Variants in PLA2G15 observed in about 807,000 individuals in gnomAD.
The protein encoded by PLA2G15 is lysosomal phospholipase A and acyltransferase.
In PLA2G15, 20 loss-of-function variants were observed where a neutral mutation model predicts 40.9. That is an observed-to-expected ratio of 0.49 (90% confidence interval 0.34 to 0.71). The LOEUF (loss-of-function observed/expected upper bound fraction) is 0.71. PLA2G15 is among the 30% of genes least tolerant of loss of function. The probability of loss-of-function intolerance (pLI) is 0.01; values close to 1 mark genes in which losing one functional copy is unlikely to be tolerated. For synonymous variants in PLA2G15, 223 were observed against 228.2 expected, an observed-to-expected ratio of 0.98 and a Z score of 0.21; for missense variants, 471 against 541.9, an observed-to-expected ratio of 0.87 and a Z score of 1.30.
intron 2 of PLA2G15, among the ~76,000 whole-genome samples, chr16:68,252,275 T>C (rs1199970319): frequency 6.6e-6 from 1 of 152,226 alleles, no homozygotes; most frequent in African/African-American, 2.4e-5. Context: ...GGACCTGTTA[T>C]CTGGGTCAGT....
intron 2 of PLA2G15, among the ~76,000 whole-genome samples, chr16:68,250,616 T>C (rs1715807660): frequency 6.6e-6 from 1 of 152,140 alleles, no homozygotes; most frequent in Admixed American, 6.5e-5. Flanking sequence ...ATGGTGGCTC[T>C]GCTATAATCC....
chr16:68,258,066 T>G (rs964698809), intron 5 of PLA2G15, among the ~76,000 whole-genome samples: 3 of 152,138 alleles, frequency 2.0e-5, no homozygotes, highest in Admixed American at 6.5e-5. Flanking sequence ...TGGGTGACCA[T>G]GGATCCTGAA....
At chr16:68,252,675 GA>G (rs11368218) in intron 2 of PLA2G15, 86,656 of 451,586 alleles carry the variant, frequency 0.19, 9,149 homozygotes, top group African/African-American at 0.29. Flanking sequence ...CACAGTTCTA[GA>G]AAACTAATAG....
chr16:68,246,230 A>G (rs1283683014), intron 1 of PLA2G15, among the ~76,000 whole-genome samples: 1 of 148,886 alleles, frequency 6.7e-6, no homozygotes, highest in Non-Finnish European at 1.5e-5. Context: ...AGGCTCGGTG[A>G]CCTCCCCTGC....
intron 1 of PLA2G15, among the ~76,000 whole-genome samples, chr16:68,245,790 T>C (rs2042304246): frequency 6.6e-6 from 1 of 152,206 alleles, no homozygotes; most frequent in Non-Finnish European, 1.5e-5. Flanking sequence ...AGTTACCATC[T>C]GGTTATTCAT....
intron 2 of PLA2G15, among the ~76,000 whole-genome samples, chr16:68,250,536 G>A (rs1243615291): frequency 1.3e-5 from 2 of 152,084 alleles, no homozygotes; most frequent in African/African-American, 4.8e-5. Context: ...CTCCCAAAGT[G>A]CTGGGATTAC....
intron 1 of PLA2G15, 79 bp downstream of exon 1, chr16:68,245,632 T>G (rs1023475151): frequency 6.8e-7 from 1 of 1,467,182 alleles, no homozygotes; most frequent in Non-Finnish European, 9.2e-7. Context: ...GGTCTGCTTC[T>G]GTTCCAGTCA....
intron 1 of PLA2G15, among the ~76,000 whole-genome samples, chr16:68,246,242 C>T (rs563172559): frequency 6.6e-6 from 1 of 150,694 alleles, no homozygotes; most frequent in Non-Finnish European, 1.5e-5. Flanking sequence ...CTCCCCTGCT[C>T]ACCCCGCTCC....
chr16:68,256,818 C>G (rs557123744), intron 5 of PLA2G15, among the ~76,000 whole-genome samples: 23 of 151,506 alleles, frequency 1.5e-4, no homozygotes, highest in Admixed American at 7.2e-4. Flanking sequence ...CCATCCCTCC[C>G]TCTTACCCCA....
chr16:68,254,004 T>C (rs1002124779), intron 2 of PLA2G15, among the ~76,000 whole-genome samples: 7 of 152,124 alleles, frequency 4.6e-5, no homozygotes, highest in Admixed American at 3.9e-4. Flanking sequence ...CTGGTTCTGT[T>C]GTGTACTGCA....
intron 5 of PLA2G15, 155 bp downstream of exon 5, chr16:68,256,145 A>C: frequency 1.7e-6 from 1 of 573,568 alleles, no homozygotes. Context: ...AAGAAGAAAG[A>C]GGCTGACAAA....
rs1485483991 is a variant in PLA2G15, at chr16:68,255,304, G to A, written c.426G>A (p.Val142=). ...CAGGTTCCTATTTCCACACCATGGT[G>A]GAGAGCCTTGTGGGCTGGGGCTACA... The part of the protein sequence containing the change: ...SSVGSYFHTM[V]ESLVGWGYTR... The change falls in exon 4 of 6, where the codon GTG becomes GTA. Residue 142 remains valine (V), a synonymous_variant. Transcript: ENST00000219345. The surrounding 1 kb of genome is among the most constrained non-coding windows in gnomAD (Gnocchi z 5.9). The A allele has an allele frequency of 6.2e-7, 1 of 1,613,654 alleles. No individual in the cohort carries two copies. Among genetic ancestry groups the A allele is most frequent in the Non-Finnish European group, 8.5e-7 (1 of 1,179,734 alleles).
At chr16:68,254,848 T>C in intron 2 of PLA2G15, 71 bp from the exon 3 acceptor site, 4 of 913,650 alleles carry the variant, frequency 4.4e-6, no homozygotes, top group Non-Finnish European at 7.2e-6. Flanking sequence ...ACTCAGGACA[T>C]GATGCACTGT....
chr16:68,255,836 C>T lies in PLA2G15; in HGVS notation c.573C>T (p.Pro191=), dbSNP rs76404867. The T allele has an allele frequency of 0.019, 31,224 of 1,614,144 alleles. 353 individuals are homozygous for T. The highest frequency in any genetic ancestry group is 0.023 in the Non-Finnish European group (26,980 of 1,179,970). ...AGATGTACCAGCTGTATGGGGGCCC[C>T]GTGGTGCTGGTTGCCCACAGTATGG... ...IEEMYQLYGG[P]VVLVAHSMGN... is the part of the protein sequence containing the mutation. Residue 191 remains proline (P), a synonymous_variant, in exon 5 of 6, where the codon CCC becomes CCT. Transcript: ENST00000219345. The surrounding 1 kb of genome is among the most constrained non-coding windows in gnomAD (Gnocchi z 5.9).
chr16:68,251,071 C>A (rs1473140960), intron 2 of PLA2G15, among the ~76,000 whole-genome samples: 2 of 152,164 alleles, frequency 1.3e-5, no homozygotes, highest in Non-Finnish European at 2.9e-5. Flanking sequence ...CTTACAGCAA[C>A]CCCGTTTTGA....
chr16:68,258,025 C>A (rs981401212), intron 5 of PLA2G15, among the ~76,000 whole-genome samples: 2 of 152,198 alleles, frequency 1.3e-5, no homozygotes, highest in Non-Finnish European at 2.9e-5. Flanking sequence ...GTCTGAGAGG[C>A]CTCCCTGCTT....
chr16:68,245,460 C>A lies in PLA2G15; in HGVS notation c.34C>A (p.Leu12Met), dbSNP rs752754494. ...CCACCTCCGCCCCTACCGTGTGGGGCTGCTCCCGGATGGCCTCCTGTTCCT... is the reference window on the plus strand; with the variant it reads ...CCACCTCCGCCCCTACCGTGTGGGGATGCTCCCGGATGGCCTCCTGTTCCT... ...GLHLRPYRVGLLPDGLLFLLL... is the reference protein window; with the variant it reads ...GLHLRPYRVGMLPDGLLFLLL... Residue 12 changes from leucine (L) to methionine (M), a missense_variant, in exon 1 of 6, where the codon CTG (leucine) becomes ATG (methionine). Coordinates refer to ENST00000219345, the MANE Select transcript of PLA2G15 (RefSeq NM_012320.4). 1 of 1,606,286 alleles carries A rather than the reference C, an allele frequency of 6.2e-7. No homozygotes were observed. Among genetic ancestry groups the A allele is most frequent in the South Asian group, 1.1e-5 (1 of 91,046 alleles).
rs1279001050 is a variant in PLA2G15 at position 68,255,684 on chromosome 16, C to T, written c.503-82C>T. 8.4e-7 allele frequency: 1 copy of T among 1,192,558 alleles called. No individual in the cohort carries two copies. 73.9% of individuals were successfully genotyped at this position (1,192,558 alleles called of 1,614,324 possible). A position where few individuals can be genotyped will look rare whatever the true frequency, so the allele number is the denominator to read the frequency against. ...GAGCACCCTCCCCTCCCCCTCTCGT[C>T]TTGTGTCTGGCCTGAGAAAAGCTCA... On this transcript the variant is annotated intron_variant, in intron 4 of 5. Coordinates refer to ENST00000219345, the MANE Select transcript of PLA2G15 (RefSeq NM_012320.4). This position sits in a 1 kb window ranked among gnomAD's most constrained non-coding sequence, Gnocchi z 5.9.
chr16:68,252,604 A>G (rs964595557), intron 2 of PLA2G15: 3 of 455,914 alleles, frequency 6.6e-6, no homozygotes, highest in Non-Finnish European at 8.8e-6. Context: ...CACTGCAGCT[A>G]CAGAAACTAT....
Sources: gnomAD v4.1 joint callset for allele counts (sites outside exome capture counted in the v4.1 genomes callset) on GRCh38, gnomAD v4.1.1 for gene constraint, Gnocchi (gnomAD v3.1) non-coding constraint, MANE v1.5 for transcripts, NCBI Gene and HGNC (gene_info 2026-07-23, HGNC 2026-07-21) for gene names.